The following HDAC8 variants were observed in gnomAD, a reference collection of about 807,000 sequenced individuals.
The protein encoded by HDAC8 is histone deacetylase-like 1.
Under a neutral mutation model 32.2 loss-of-function variants are expected in HDAC8, and 1 was observed. The observed-to-expected ratio is 0.03, with a 90% confidence interval of 0.01 to 0.15. The LOEUF (loss-of-function observed/expected upper bound fraction) is 0.15. Ranked by LOEUF, HDAC8 falls within the 10% of genes least tolerant of loss-of-function variation. The pLI is 1.00. For missense variants in HDAC8, 117 were observed against 300.0 expected (o/e 0.39, Z 4.51); for synonymous variants, 108 against 113.9 (o/e 0.95, Z 0.33).
At chrX:72,559,558 G>A (rs1197858732) in intron 4 of HDAC8, among the ~76,000 whole-genome samples, 4 of 107,699 alleles carry the variant, frequency 3.7e-5, no homozygotes, top group African/African-American at 1.4e-4. Flanking sequence ...GAGCCCCTCT[G>A]CCCCGCCGCC....
chrX:72,566,120 C>T (rs1386836343), intron 4 of HDAC8, among the ~76,000 whole-genome samples: 2 of 109,542 alleles, frequency 1.8e-5, no homozygotes, highest in African/African-American at 3.3e-5. Flanking sequence ...GCACTCCAGC[C>T]TTGGTGACAG....
intron 9 of HDAC8, among the ~76,000 whole-genome samples, chrX:72,433,399 T>C (rs2046870484): frequency 8.9e-6 from 1 of 112,336 alleles, no homozygotes; most frequent in Non-Finnish European, 1.9e-5. Flanking sequence ...GAGTACTATC[T>C]ACTTTGTGAA....
At position 72,464,833 on chromosome X, in the gene HDAC8, AGGG is replaced by A; in HGVS notation, c.738-105_738-103del. ...GTATAATTGAATTAGCAAATAGTTA[AGGG>A]AAAAAAACACAACCTGTCAAACTCA... On this transcript the variant is annotated intron_variant, in intron 7 of 10. Transcript: ENST00000373573. The A allele has an allele frequency of 7.4e-6, 4 of 538,991 alleles. No homozygotes were observed. In the Admixed American group the frequency reaches 1.3e-4, roughly 17 times the overall value. 44.4% of individuals were successfully genotyped at this position (538,991 alleles called of 1,213,427 possible).
At chrX:72,359,873 G>C (rs1602577300) in intron 9 of HDAC8, among the ~76,000 whole-genome samples, 1 of 109,061 alleles carries the variant, frequency 9.2e-6, no homozygotes, top group Non-Finnish European at 1.9e-5. Context: ...TGGCCAACAT[G>C]ATGAACTCCC....
chrX:72,486,478 G>T (rs1281852322), intron 7 of HDAC8, among the ~76,000 whole-genome samples: 3 of 112,064 alleles, frequency 2.7e-5, no homozygotes, highest in African/African-American at 9.7e-5. Flanking sequence ...CTCAAGAATG[G>T]CACTGTGAAG....
chrX:72,489,576 C>T (rs2048791630), intron 6 of HDAC8, among the ~76,000 whole-genome samples: 1 of 110,349 alleles, frequency 9.1e-6, no homozygotes, highest in African/African-American at 3.3e-5. Flanking sequence ...TGGATCCCTT[C>T]CTTACACCTT....
At chrX:72,472,217 G>A (rs781835114) in intron 7 of HDAC8, among the ~76,000 whole-genome samples, 3 of 107,195 alleles carry the variant, frequency 2.8e-5, no homozygotes, top group Admixed American at 2.0e-4. Flanking sequence ...ACAGGCGCCC[G>A]CCACTATGCC....
chrX:72,414,630 A>C (rs1378128335), intron 9 of HDAC8, among the ~76,000 whole-genome samples: 2 of 112,165 alleles, frequency 1.8e-5, no homozygotes, highest in African/African-American at 6.5e-5. Flanking sequence ...TGCATGAGTT[A>C]TTTGAAAAAG....
At chrX:72,428,853 G>C (rs1451674357) in intron 9 of HDAC8, among the ~76,000 whole-genome samples, 1 of 111,478 alleles carries the variant, frequency 9.0e-6, no homozygotes, top group East Asian at 2.8e-4. Context: ...GGGACCTTAG[G>C]CCAACCAGTT....
intron 9 of HDAC8, among the ~76,000 whole-genome samples, chrX:72,414,356 C>A (rs1032261043): frequency 9.0e-5 from 10 of 111,687 alleles, no homozygotes; most frequent in African/African-American, 3.3e-4. Flanking sequence ...GACAAAACAA[C>A]TCAAAGGAAA....
chrX:72,498,661 T>C (rs183673879), intron 4 of HDAC8, among the ~76,000 whole-genome samples: 197 of 112,113 alleles, frequency 1.8e-3, no homozygotes, highest in African/African-American at 6.0e-3. Context: ...CTTGATATAT[T>C]CTGGGTATAT....
chrX:72,436,412 A>AT (rs2046952791), intron 9 of HDAC8, among the ~76,000 whole-genome samples: 1 of 111,826 alleles, frequency 8.9e-6, no homozygotes, highest in Non-Finnish European at 1.9e-5. Context: ...GAAGTGGCAT[A>AT]TTTTTTAAGT....
intron 10 of HDAC8, among the ~76,000 whole-genome samples, chrX:72,345,598 C>T (rs979795460): frequency 9.0e-6 from 1 of 111,504 alleles, no homozygotes; most frequent in Non-Finnish European, 1.9e-5. Flanking sequence ...GAGTAATATG[C>T]CAAGGGTTTT....
chrX:72,527,434 A>G (rs1401535100), intron 4 of HDAC8, among the ~76,000 whole-genome samples: 3 of 111,607 alleles, frequency 2.7e-5, no homozygotes, highest in Non-Finnish European at 5.6e-5. Context: ...ACAACCATGA[A>G]TTACATTACG....
intron 9 of HDAC8, among the ~76,000 whole-genome samples, chrX:72,388,793 T>C (rs1018404478): frequency 9.0e-6 from 1 of 111,099 alleles, no homozygotes; most frequent in Non-Finnish European, 1.9e-5. Context: ...CCTTATGAGT[T>C]TTCTCTCTGC....
At chrX:72,334,267 C>T (rs1180949435) in intron 10 of HDAC8, among the ~76,000 whole-genome samples, 4 of 112,034 alleles carry the variant, frequency 3.6e-5, no homozygotes, top group East Asian at 5.6e-4. Context: ...CAAGAATATA[C>T]TGTTTGTAAA....
At chrX:72,531,014 T>A (rs926490623) in intron 4 of HDAC8, among the ~76,000 whole-genome samples, 4 of 111,232 alleles carry the variant, frequency 3.6e-5, no homozygotes, top group Admixed American at 9.6e-5. Flanking sequence ...AGAAGAGGTG[T>A]GTAGGGCATT....
intron 9 of HDAC8, among the ~76,000 whole-genome samples, chrX:72,367,454 G>C (rs1303729023): frequency 2.7e-5 from 3 of 112,148 alleles, no homozygotes; most frequent in African/African-American, 9.7e-5. Flanking sequence ...AACCTTAAAG[G>C]GTTGTCTATG....
chrX:72,446,211 T>C (rs1258899453), intron 9 of HDAC8, among the ~76,000 whole-genome samples: 3 of 112,270 alleles, frequency 2.7e-5, no homozygotes, highest in Non-Finnish European at 5.6e-5. Flanking sequence ...CTATAAATCA[T>C]GCTGCTATAA....
Sources: allele counts gnomAD v4.1 joint callset (sites outside exome capture counted in the v4.1 genomes callset), GRCh38; gene constraint gnomAD v4.1.1; transcripts MANE v1.5; gene names NCBI Gene and HGNC (gene_info 2026-07-23, HGNC 2026-07-21).